The following MEGF10 variants were observed in gnomAD, a reference collection of about 807,000 sequenced individuals.
MEGF10 encodes multiple epidermal growth factor-like domains protein 10.
In MEGF10, 86 loss-of-function variants were observed where a neutral mutation model predicts 147.5. That is an observed-to-expected ratio of 0.58 (90% CI 0.49 to 0.70). MEGF10 has a LOEUF of 0.70. MEGF10 is among the 30% of genes least tolerant of loss of function. The pLI is 0.00. For synonymous variants in MEGF10, 478 were observed against 525.5 expected (o/e 0.91, Z 1.24); for missense variants, 1,329 against 1,487.3 (o/e 0.89, Z 1.75).
At chr5:127,452,574 G>A (rs1470144729) in intron 22 of MEGF10, among the ~76,000 whole-genome samples, 1 of 152,092 alleles carries the variant, frequency 6.6e-6, no homozygotes, top group Non-Finnish European at 1.5e-5. Flanking sequence ...CAGTTTATGG[G>A]GGGCTCAGTC....
chr5:127,339,207 A>G lies in MEGF10; in HGVS notation c.204A>G (p.Lys68=). The part of the protein sequence containing the change: ...TSCTDILNWF[K]CTRHRVSYRT... Reference sequence around the variant, plus strand: ...GCACTGACATTCTAAACTGGTTTAAATGCACGCGGCACAGGTAATAGAAGC... The same window carrying G: ...GCACTGACATTCTAAACTGGTTTAAGTGCACGCGGCACAGGTAATAGAAGC... The change falls in exon 3 of 25, where the codon AAA becomes AAG. Residue 68 remains lysine (K), a synonymous_variant. Transcript: ENST00000503335. The G allele has an allele frequency of 6.2e-7, 1 of 1,611,586 alleles. No individual in the cohort carries two copies. The highest frequency in any genetic ancestry group is 8.5e-7 in the Non-Finnish European group (1 of 1,178,082).
the MEGF10 span, among the ~76,000 whole-genome samples, chr5:127,282,968 G>A: frequency 6.6e-6 from 1 of 152,204 alleles, no homozygotes; most frequent in Non-Finnish European, 1.5e-5. Context: ...GTTCAGCTCT[G>A]AGACTATGGC....
At position 127,434,740 on chromosome 5, in the gene MEGF10, G is replaced by C. The variant is rs561610841; in HGVS notation, c.1894G>C (p.Val632Leu). ...CTGCAGCCAGACATGCCCACAGTGC[G>C]TTCACAGCAGCGGGCCCTGCCACCA... ...HRCSQTCPQCVHSSGPCHHIT... is the reference protein window; with the variant it reads ...HRCSQTCPQCLHSSGPCHHIT... The change falls in exon 15 of 25, where the codon GTT becomes CTT. Residue 632 changes from valine (V) to leucine (L), a missense_variant. Around this residue, in one of 3 missense-constraint regions of MEGF10, gnomAD observed 980 missense variants for 1,085.9 expected, o/e 0.90. Transcript: ENST00000503335. 1 of 1,613,866 alleles carries C rather than the reference G, an allele frequency of 6.2e-7. No individual in the cohort carries two copies. The highest frequency in any genetic ancestry group is 8.5e-7 in the Non-Finnish European group (1 of 1,180,036).
chr5:127,306,892 A>G (rs912195900), intron 1 of MEGF10, among the ~76,000 whole-genome samples: 2 of 152,144 alleles, frequency 1.3e-5, no homozygotes, highest in African/African-American at 2.4e-5. Flanking sequence ...TTCCAGCATT[A>G]CTCATGAGCC....
the MEGF10 span, among the ~76,000 whole-genome samples, chr5:127,254,476 T>G: frequency 6.6e-6 from 1 of 152,150 alleles, no homozygotes; most frequent in African/African-American, 2.4e-5. Flanking sequence ...TTAAAAGAGA[T>G]AAAGCTTTTC....
the MEGF10 span, among the ~76,000 whole-genome samples, chr5:127,283,345 T>TA: frequency 6.6e-6 from 1 of 152,168 alleles, no homozygotes; most frequent in African/African-American, 2.4e-5. Context: ...GTTGAAATTT[T>TA]AAAAAAAGCA....
chr5:127,385,728 A>T (rs1204937131), intron 5 of MEGF10, among the ~76,000 whole-genome samples: 8 of 152,192 alleles, frequency 5.3e-5, no homozygotes, highest in Admixed American at 5.2e-4. Flanking sequence ...TCTGGTAGAG[A>T]TGTATCTTAA....
At chr5:127,385,344 G>T (rs1763389903) in intron 5 of MEGF10, among the ~76,000 whole-genome samples, 1 of 151,964 alleles carries the variant, frequency 6.6e-6, no homozygotes, top group Non-Finnish European at 1.5e-5. Flanking sequence ...TGTTGCCTAG[G>T]CTGGAATGCA....
At chr5:127,428,098 G>T (rs1251032770) in intron 13 of MEGF10, among the ~76,000 whole-genome samples, 3 of 147,344 alleles carry the variant, frequency 2.0e-5, no homozygotes, top group Non-Finnish European at 3.0e-5. Context: ...CTTTCTACTT[G>T]CTTTTATCTG....
chr5:127,351,275 G>A (rs1172751998), intron 4 of MEGF10, among the ~76,000 whole-genome samples: 1 of 151,960 alleles, frequency 6.6e-6, no homozygotes. Flanking sequence ...TCATAGTCCT[G>A]CCATTTTTGT....
intron 4 of MEGF10, among the ~76,000 whole-genome samples, chr5:127,347,765 A>G (rs1761943750): frequency 6.6e-6 from 1 of 152,050 alleles, no homozygotes; most frequent in African/African-American, 2.4e-5. Flanking sequence ...TTGTTAACAT[A>G]GAATGGAGAA....
intron 4 of MEGF10, among the ~76,000 whole-genome samples, chr5:127,356,213 G>A (rs1055518061): frequency 2.0e-5 from 3 of 152,166 alleles, no homozygotes; most frequent in Admixed American, 6.5e-5. Flanking sequence ...GTATAGCGCC[G>A]GCCAGCGCTT....
intron 2 of MEGF10, among the ~76,000 whole-genome samples, chr5:127,332,688 C>A (rs968150438): frequency 2.0e-5 from 3 of 152,098 alleles, no homozygotes; most frequent in South Asian, 2.1e-4. Context: ...GTATTAACTA[C>A]ATTATACAGA....
At chr5:127,315,146 C>T (rs1760469006) in intron 1 of MEGF10, among the ~76,000 whole-genome samples, 1 of 152,152 alleles carries the variant, frequency 6.6e-6, no homozygotes, top group Admixed American at 6.5e-5. Flanking sequence ...GAGTTCAGAA[C>T]TCAGTGTTAG....
chr5:127,259,771 T>C, the MEGF10 span, among the ~76,000 whole-genome samples: 1 of 152,144 alleles, frequency 6.6e-6, no homozygotes, highest in Admixed American at 6.5e-5. Context: ...CGTGTCATGG[T>C]ATTTCAGGGT....
chr5:127,417,147 G>T (rs1764807173), intron 9 of MEGF10, among the ~76,000 whole-genome samples: 1 of 152,216 alleles, frequency 6.6e-6, no homozygotes, highest in South Asian at 2.1e-4. Context: ...AGCAACAGCT[G>T]GTTGCCTGGT....
At chr5:127,335,709 G>A (rs1236787851) in intron 2 of MEGF10, among the ~76,000 whole-genome samples, 1 of 152,006 alleles carries the variant, frequency 6.6e-6, no homozygotes, top group Non-Finnish European at 1.5e-5. Context: ...AGAAATATGT[G>A]CATGGCATGA....
chr5:127,411,819 T>C (rs961039383), intron 9 of MEGF10, among the ~76,000 whole-genome samples: 3 of 152,174 alleles, frequency 2.0e-5, no homozygotes, highest in African/African-American at 7.2e-5. Flanking sequence ...AGTCATGAAT[T>C]TGGGTCCCTT....
chr5:127,331,470 C>A, intron 2 of MEGF10, 46 bp downstream of exon 2: 1 of 1,028,932 alleles, frequency 9.7e-7, no homozygotes, highest in Non-Finnish European at 1.5e-6. Flanking sequence ...TGAGAAGTTC[C>A]CTTATATACT....
Sources: allele counts gnomAD v4.1 joint callset (sites outside exome capture counted in the v4.1 genomes callset), GRCh38; gene constraint gnomAD v4.1.1; regional missense constraint gnomAD v4.1.1; transcripts MANE v1.5; gene names NCBI Gene and HGNC (gene_info 2026-07-23, HGNC 2026-07-21).